Variants in LSM8 observed in about 807,000 individuals in gnomAD.
LSM8 encodes the protein LSM8 homolog, U6 small nuclear RNA associated.
In LSM8, 14 loss-of-function variants were observed where a neutral mutation model predicts 15.0. The observed-to-expected ratio is 0.93, with a 90% CI of 0.62 to 1.46. LSM8 has a LOEUF of 1.46. Among genes scored for constraint, LSM8 ranks in the 40% most tolerant of loss-of-function variants. The probability of loss-of-function intolerance (pLI) is 0.00; values close to 1 mark genes in which losing one functional copy is unlikely to be tolerated. For synonymous variants in LSM8, 50 were observed against 42.1 expected (o/e 1.19, Z -0.73); for missense variants, 90 against 115.4 (o/e 0.78, Z 1.01).
At chr7:118,188,224 A>C in intron 2 of LSM8, 54 bp from the exon 3 acceptor site, 1 of 1,585,184 alleles carries the variant, frequency 6.3e-7, no homozygotes. Context: ...TTAAATTTAC[A>C]CTTTCAGGTA....
chr7:118,184,266 C>T lies in LSM8; in HGVS notation c.31+12C>T, dbSNP rs372301449. ...GAACTACATCAACCGTATCCTCAAGCTGGCCGCCGCGGGCGTGAGCCGGGG... is the reference window on the plus strand; with the variant it reads ...GAACTACATCAACCGTATCCTCAAGTTGGCCGCCGCGGGCGTGAGCCGGGG... On this transcript the variant is annotated intron_variant, in intron 1 of 3. Coordinates refer to ENST00000249299, the MANE Select transcript of LSM8 (RefSeq NM_016200.5). The T allele has an allele frequency of 2.7e-6, 4 of 1,486,520 alleles. No individual in the cohort carries two copies. Among genetic ancestry groups the T allele is most frequent in the Non-Finnish European group, 3.6e-6 (4 of 1,109,084 alleles). The allele number at this position is 1,486,520 out of a possible 1,614,324, so 92.1% of individuals were successfully genotyped here.
chr7:118,196,808 C>CA lies in LSM8; in HGVS notation c.*4808dup, dbSNP rs1324608580. On this transcript the variant is annotated 3_prime_UTR_variant, in exon 4 of 4. Coordinates refer to ENST00000249299, the MANE Select transcript of LSM8 (RefSeq NM_016200.5). ...GCAGTGGTGCAATCTTGGCTCACTA[C>CA]AACCTCCGCATCCTGGGTTCAAGCG... 4.6e-5 allele frequency among the ~76,000 whole-genome samples: 7 copies of CA among 151,380 alleles called. No individual in the cohort carries two copies. The highest frequency in any genetic ancestry group is 1.0e-4 in the Non-Finnish European group (7 of 67,910).
rs929301347 is a variant in LSM8 at position 118,202,868 on chromosome 7, A to C, written c.*10866A>C. Among the ~76,000 whole-genome samples the C allele has an allele frequency of 5.9e-5, 9 of 151,982 alleles. No homozygotes were observed. The highest frequency in any genetic ancestry group is 2.2e-4 in the African/African-American group (9 of 41,418). ...TCTCTGATATAAAATGCAGAATATG[A>C]ATTTTAATAAATTCCCCAGGTGAGT... On this transcript the variant is annotated 3_prime_UTR_variant, in exon 4 of 4. Transcript: ENST00000249299.
chr7:118,184,809 G>A (rs1359381084), intron 1 of LSM8: 1 of 152,202 alleles, frequency 6.6e-6, no homozygotes, highest in Non-Finnish European at 1.5e-5. Flanking sequence ...TCTTAAAATA[G>A]ACTTTACAAG....
At chr7:118,188,518 C>A in intron 3 of LSM8, 113 bp downstream of exon 3, 1 of 959,786 alleles carries the variant, frequency 1.0e-6, no homozygotes, top group Non-Finnish European at 1.5e-6. Context: ...TAGAATCTTG[C>A]ATTCATTTCT....
rs1251930622 is a variant in LSM8 at position 118,201,075 on chromosome 7, C to A, written c.*9073C>A. ...TCATAGTTACTAAAAATGCAAAAGG[C>A]AAATTTGAAATAACTATAAAAATAA... On this transcript the variant is annotated 3_prime_UTR_variant, in exon 4 of 4. Coordinates refer to ENST00000249299, the MANE Select transcript of LSM8 (RefSeq NM_016200.5). Among the ~76,000 whole-genome samples the A allele has an allele frequency of 1.3e-5, 2 of 151,938 alleles. No individual in the cohort carries two copies. The highest frequency in any genetic ancestry group is 2.9e-5 in the Non-Finnish European group (2 of 67,972).
At position 118,192,310 on chromosome 7, in the gene LSM8, A is replaced by G; in HGVS notation, c.*308A>G. The G allele has an allele frequency of 4.8e-6, 1 of 210,234 alleles. No homozygotes were observed. The highest frequency in any genetic ancestry group is 9.6e-6 in the Non-Finnish European group (1 of 104,516). 13.0% of individuals were successfully genotyped at this position (210,234 alleles called of 1,614,324 possible). ...GTATTTATGGAAACTAGTGGAAAAG[A>G]GAAATTAGTGTGCTATATAAATCAG... On this transcript the variant is annotated 3_prime_UTR_variant, in exon 4 of 4. Transcript: ENST00000249299.
chr7:118,185,364 A>C, intron 1 of LSM8: 1 of 286,998 alleles, frequency 3.5e-6, no homozygotes, highest in Non-Finnish European at 6.5e-6. Flanking sequence ...AGCCCAAGCA[A>C]TCCTCCTGCC....
Position 118,184,164 on chromosome 7 carries a change from C to G in LSM8, c.-60C>G, listed in dbSNP as rs1227465282. 4.5e-6 allele frequency: 7 copies of G among 1,542,946 alleles called. No homozygotes were observed. Among genetic ancestry groups the G allele is most frequent in the Non-Finnish European group, 6.1e-6 (7 of 1,143,170 alleles). On this transcript the variant is annotated 5_prime_UTR_variant, in exon 1 of 4. Coordinates refer to ENST00000249299, the MANE Select transcript of LSM8 (RefSeq NM_016200.5). Reference sequence around the variant, plus strand: ...ATCCGCTGCCGGGTTCTGGCGCGCCCTTTCAGTTCTGCTTGCTGTCGGCAC... The same window carrying G: ...ATCCGCTGCCGGGTTCTGGCGCGCCGTTTCAGTTCTGCTTGCTGTCGGCAC...
chr7:118,191,845 A>C, intron 3 of LSM8, 67 bp from the exon 4 acceptor site: 1 of 1,203,736 alleles, frequency 8.3e-7, no homozygotes. Flanking sequence ...TGATTTGATT[A>C]GTAAGATTTT....
intron 3 of LSM8, chr7:118,191,072 T>C (rs1413128962): frequency 2.0e-5 from 3 of 150,184 alleles, no homozygotes; most frequent in Non-Finnish European, 1.5e-5. Flanking sequence ...GCCACTGCAC[T>C]CCAGCCTGTG....
chr7:118,187,625 G>C (rs372085487), intron 2 of LSM8, among the ~76,000 whole-genome samples: 7 of 152,332 alleles, frequency 4.6e-5, no homozygotes, highest in African/African-American at 1.7e-4. Context: ...ATTTACTTGT[G>C]TATAATAGTA....
rs962208695 is a variant in LSM8, at chr7:118,196,166, G to A, written c.*4164G>A. 2.0e-5 allele frequency among the ~76,000 whole-genome samples: 3 copies of A among 152,128 alleles called. No homozygotes were observed. The highest frequency in any genetic ancestry group is 7.2e-5 in the African/African-American group (3 of 41,412). ...TTATCAAGCCATTAATACATGCCAGGCAGTATGCTCAAAGCTGTGGATAGG... is the reference window on the plus strand; with the variant it reads ...TTATCAAGCCATTAATACATGCCAGACAGTATGCTCAAAGCTGTGGATAGG... On this transcript the variant is annotated 3_prime_UTR_variant, in exon 4 of 4. Coordinates refer to ENST00000249299, the MANE Select transcript of LSM8 (RefSeq NM_016200.5).
rs1290395856 is a variant in LSM8, at chr7:118,194,143, ATAAT to A, written c.*2146_*2149del. ...GGGAGCCACAACCATGAGTAGTAACATAATTAATATACAGTGTCAATATTTTATA... is the reference window on the plus strand; with the variant it reads ...GGGAGCCACAACCATGAGTAGTAACATAATATACAGTGTCAATATTTTATA... On this transcript the variant is annotated 3_prime_UTR_variant, in exon 4 of 4. Coordinates refer to ENST00000249299, the MANE Select transcript of LSM8 (RefSeq NM_016200.5). 2.6e-5 allele frequency among the ~76,000 whole-genome samples: 4 copies of A among 152,126 alleles called. No homozygotes were observed. Among genetic ancestry groups the A allele is most frequent in the African/African-American group, 9.7e-5 (4 of 41,444 alleles).
intron 3 of LSM8, 94 bp downstream of exon 3, chr7:118,188,499 C>A: frequency 8.9e-7 from 1 of 1,123,470 alleles, no homozygotes; most frequent in Non-Finnish European, 1.2e-6. Flanking sequence ...ATTGTCCATA[C>A]ATAGTTAATA....
chr7:118,198,618 T>C lies in LSM8; in HGVS notation c.*6616T>C, dbSNP rs7799229. On this transcript the variant is annotated 3_prime_UTR_variant, in exon 4 of 4. Transcript: ENST00000249299. The stretch of plus-strand genomic sequence containing the variant: ...TTCATGGAAATGGATGACTTGTGCT[T>C]GACCCTAAGGATAGTAAGGATTTCC... 0.7 allele frequency among the ~76,000 whole-genome samples: 105,759 copies of C among 152,034 alleles called. 37,000 individuals carry two copies. The highest frequency in any genetic ancestry group is 0.82 in the South Asian group (3,929 of 4,812).
In LSM8 at chr7:118,200,824, A is replaced by G. The variant is rs1038022876; in HGVS notation, c.*8822A>G. Among the ~76,000 whole-genome samples the G allele has an allele frequency of 2.6e-5, 4 of 152,070 alleles. No homozygotes were observed. Among genetic ancestry groups the G allele is most frequent in the African/African-American group, 9.7e-5 (4 of 41,428 alleles). On this transcript the variant is annotated 3_prime_UTR_variant, in exon 4 of 4. Transcript: ENST00000249299. Reference sequence around the variant, plus strand: ...GAACGAACTGAGGTTTGCAATTGCTAATGTTATTCTCCCATCCCAGTTTCT... The same window carrying G: ...GAACGAACTGAGGTTTGCAATTGCTGATGTTATTCTCCCATCCCAGTTTCT...
At position 118,192,114 on chromosome 7, in the gene LSM8, T is replaced by C. The variant is rs1242765788; in HGVS notation, c.*112T>C. 3.3e-6 allele frequency: 2 copies of C among 612,758 alleles called. No individual in the cohort carries two copies. Among genetic ancestry groups the C allele is most frequent in the Non-Finnish European group, 5.2e-6 (2 of 382,642 alleles). The allele number at this position is 612,758 out of a possible 1,614,324, so 38.0% of individuals were successfully genotyped here. ...TCACTGGATTTTGACTCCTTATTGA[T>C]TCATTGTAATATGTAAATTAAAATA... On this transcript the variant is annotated 3_prime_UTR_variant, in exon 4 of 4. Transcript: ENST00000249299.
intron 3 of LSM8, 147 bp downstream of exon 3, chr7:118,188,552 G>T: frequency 1.4e-6 from 1 of 715,090 alleles, no homozygotes; most frequent in Non-Finnish European, 2.1e-6. Flanking sequence ...CTTTTCTTAT[G>T]TTTGTGTAAA....
Sources: gnomAD v4.1 joint callset for allele counts (sites outside exome capture counted in the v4.1 genomes callset) on GRCh38, gnomAD v4.1.1 for gene constraint, MANE v1.5 for transcripts, NCBI Gene and HGNC (gene_info 2026-07-23, HGNC 2026-07-21) for gene names.